Variants in GUK1 observed in about 807,000 individuals in gnomAD.
GUK1 encodes the protein guanylate kinase 1, also known as guanylate kinase.
In GUK1, 18 loss-of-function variants were observed where a neutral mutation model predicts 25.2. The observed-to-expected ratio is 0.71, with a 90% CI of 0.49 to 1.06. The LOEUF (loss-of-function observed/expected upper bound fraction) is 1.06, where lower values mean the gene tolerates loss of function less well. GUK1 is among the 50% of genes least tolerant of loss of function. The pLI, the probability that GUK1 is intolerant of heterozygous loss-of-function variation, is 0.00. For synonymous variants in GUK1, 105 were observed against 117.6 expected (o/e 0.89, Z 0.69); for missense variants, 261 against 276.7 (o/e 0.94, Z 0.40).
At chr1:228,148,545 A>G in intron 8 of GUK1, 89 bp downstream of exon 7, 2 of 1,365,942 alleles carry the variant, frequency 1.5e-6, no homozygotes, top group Non-Finnish European at 2.0e-6. Context: ...CTGAGGTTAG[A>G]TGGGACAGTC....
chr1:228,140,117 G>A (rs577786331), upstream of GUK1: 3 of 573,224 alleles, frequency 5.2e-6, no homozygotes, highest in South Asian at 2.1e-5. Flanking sequence ...CTGCGGTCGC[G>A]ACAGGCCAGC....
rs867088922 is a variant in GUK1 at position 228,146,989 on chromosome 1, G to A, written c.251+51G>A. ...GCTCCCAGGGTTGCTGTTGGCAACA[G>A]GGATCCAGGTAGTGCCTGCTGCCTG... is the stretch of plus-strand genomic sequence containing the variant. On this transcript the variant is annotated intron_variant, in intron 5 of 8. Transcript: ENST00000312726. 38 of 1,214,424 alleles carry A rather than the reference G, an allele frequency of 3.1e-5. 2 individuals carry two copies. The Middle Eastern group carries it at 5.5e-3, about 177-fold the overall frequency. The allele number at this position is 1,214,424 out of a possible 1,614,324, so 75.2% of individuals were successfully genotyped here.
rs1254198304 is a variant in GUK1 at position 228,140,351 on chromosome 1, GC to G, written c.-176del. The G allele has an allele frequency of 6.6e-7, 1 of 1,524,172 alleles. No individual in the cohort carries two copies. Among genetic ancestry groups the G allele is most frequent in the Non-Finnish European group, 8.7e-7 (1 of 1,143,866 alleles). The allele number at this position is 1,524,172 out of a possible 1,614,324, so 94.4% of individuals were successfully genotyped here. On this transcript the variant is annotated 5_prime_UTR_variant, in exon 1 of 9. Coordinates refer to ENST00000312726, the MANE Select transcript of GUK1 (RefSeq NM_000858.7). ...GCTGGCTGCGGCCGCCCTGGGCCGG[GC>G]CCCACCGGACGGTGAGTACGACAAG...
In GUK1 at chr1:228,147,370, CCCTGGCACCCCTGCTGA is replaced by C; in HGVS notation, c.252-26_252-10del. 2 of 1,593,206 alleles carry C rather than the reference CCCTGGCACCCCTGCTGA, an allele frequency of 1.3e-6. No individual in the cohort carries two copies. Among genetic ancestry groups the C allele is most frequent in the Non-Finnish European group, 1.7e-6 (2 of 1,170,486 alleles). On this transcript the variant is annotated intron_variant, in intron 5 of 8. Coordinates refer to ENST00000312726, the MANE Select transcript of GUK1 (RefSeq NM_000858.7). Reference sequence around the variant, plus strand: ...TGAAGCTCCTGTAGGCCTCAGAGAGCCCTGGCACCCCTGCTGACCTGGCACCTCTCCCCAGCAAGGTG... The same window carrying C: ...TGAAGCTCCTGTAGGCCTCAGAGAGCCCTGGCACCTCTCCCCAGCAAGGTG...
In GUK1 at chr1:228,147,070, G is replaced by A. The variant is rs547343926; in HGVS notation, c.251+132G>A. 99 of 715,242 alleles carry A rather than the reference G, an allele frequency of 1.4e-4. No homozygotes were observed. In the East Asian group the frequency reaches 1.5e-3, roughly 11 times the overall value. 44.3% of individuals were successfully genotyped at this position (715,242 alleles called of 1,614,324 possible). The stretch of plus-strand genomic sequence containing the variant: ...ATGAATGTGGCCAGGTTGTGGCCCA[G>A]GGCCAGGCTCCCACGTCTGTGGCCC... On this transcript the variant is annotated intron_variant, in intron 5 of 8. Coordinates refer to ENST00000312726, the MANE Select transcript of GUK1 (RefSeq NM_000858.7).
At chr1:228,141,637 G>A (rs765252003) in intron 2 of GUK1, 1 of 1,199,338 alleles carries the variant, frequency 8.3e-7, no homozygotes, top group Non-Finnish European at 1.1e-6. Context: ...CCTTAGGATG[G>A]CTGGAAGCCA....
chr1:228,144,816 C>A, intron 2 of GUK1: 1 of 670,802 alleles, frequency 1.5e-6, no homozygotes, highest in Non-Finnish European at 1.8e-6. Context: ...CCTCACCTGC[C>A]ACGTGTCCAA....
At position 228,145,497 on chromosome 1, in the gene GUK1, C is replaced by T. The variant is rs776309977; in HGVS notation, c.-2-14C>T. 6.2e-7 allele frequency: 1 copy of T among 1,601,260 alleles called. No homozygotes were observed. Among genetic ancestry groups the T allele is most frequent in the Admixed American group, 1.7e-5 (1 of 58,722 alleles). The stretch of plus-strand genomic sequence containing the variant: ...GGCCGCACTGCTATCCACAGCCTCT[C>T]TTCTCACCCCCAGGCATGTCGGGCC... On this transcript the variant is annotated splice_polypyrimidine_tract_variant and intron_variant, in intron 2 of 8. Coordinates refer to ENST00000312726, the MANE Select transcript of GUK1 (RefSeq NM_000858.7).
At chr1:228,140,268 C>CA (rs1354329561), upstream of GUK1, 35 of 1,521,124 alleles carry the variant, frequency 2.3e-5, no homozygotes, top group Non-Finnish European at 3.0e-5. Flanking sequence ...GCGGCGCTGT[C>CA]ACGTAGGTTC....
At position 228,147,514 on chromosome 1, in the gene GUK1, C is replaced by T; in HGVS notation, c.360C>T (p.Ile120=). The change falls in exon 6 of 9, where the codon ATC becomes ATT. Residue 120 remains isoleucine, a synonymous_variant. Transcript: ENST00000312726. Reference sequence around the variant, plus strand: ...CCACCGATCTGCGGCCCATCTACATCTCTGTGCAGCCGCCTTCACTGCACG... The same window carrying T: ...CCACCGATCTGCGGCCCATCTACATTTCTGTGCAGCCGCCTTCACTGCACG... The T allele has an allele frequency of 6.2e-7, 1 of 1,613,368 alleles. No individual in the cohort carries two copies. The highest frequency in any genetic ancestry group is 8.5e-7 in the Non-Finnish European group (1 of 1,179,968).
chr1:228,144,518 G>T (rs2034258886), intron 2 of GUK1: 3 of 153,854 alleles, frequency 1.9e-5, no homozygotes, highest in African/African-American at 7.2e-5. Flanking sequence ...GCAGGTGCAG[G>T]TCTTGGGGCA....
intron 2 of GUK1, chr1:228,141,517 TTACGAGA>T (rs2034046711): frequency 3.7e-6 from 2 of 545,084 alleles, no homozygotes; most frequent in Non-Finnish European, 5.0e-6. Context: ...GGTTTGTGTC[TTACGAGA>T]GGCCAGGCGG....
chr1:228,148,565 C>T (rs1466956057), intron 8 of GUK1, 100 bp from the exon 8 acceptor site: 2 of 1,371,516 alleles, frequency 1.5e-6, no homozygotes, highest in Admixed American at 1.8e-5. Context: ...CCTACCCAAG[C>T]ACTGGCATGA....
intron 7 of GUK1, 49 bp from the exon 7 acceptor site, chr1:228,148,322 G>A (rs2124956312): frequency 2.3e-6 from 3 of 1,317,226 alleles, no homozygotes; most frequent in Non-Finnish European, 3.3e-6. Context: ...GGGACCTGGG[G>A]TGGGGCTGCA....
chr1:228,147,018 G>A lies in GUK1; in HGVS notation c.251+80G>A, dbSNP rs533664554. 31 of 926,694 alleles carry A rather than the reference G, an allele frequency of 3.3e-5. No homozygotes were observed. In the East Asian group the frequency reaches 4.8e-4, roughly 14 times the overall value. 57.4% of individuals were successfully genotyped at this position (926,694 alleles called of 1,614,324 possible). A position where few individuals can be genotyped will look rare whatever the true frequency, so the allele number is the denominator to read the frequency against. On this transcript the variant is annotated intron_variant, in intron 5 of 8. Transcript: ENST00000312726. ...TCCAGGTAGTGCCTGCTGCCTGCCC[G>A]CCATCCACACCACCCACCCCATGGT...
In GUK1 at chr1:228,148,363, A is replaced by T; in HGVS notation, c.476-8A>T. On this transcript the variant is annotated splice_polypyrimidine_tract_variant and splice_region_variant and intron_variant, in intron 7 of 8. Transcript: ENST00000312726. ...TCACTGTGCCCTGACCCCAGGCCCC[A>T]CCCACAGGCAAGGAGCCCGGCCTGT... is the stretch of plus-strand genomic sequence containing the variant. 1.3e-6 allele frequency: 2 copies of T among 1,554,938 alleles called. No homozygotes were observed. The highest frequency in any genetic ancestry group is 1.7e-6 in the Non-Finnish European group (2 of 1,142,908).
intron 3 of GUK1, 165 bp downstream of exon 2, chr1:228,145,789 C>T: frequency 1.2e-6 from 1 of 813,824 alleles, no homozygotes; most frequent in Non-Finnish European, 2.0e-6. Flanking sequence ...TTATCACACT[C>T]CTGCTGTCCT....
chr1:228,141,649 AAGG>A (rs1178994311), intron 2 of GUK1: 8 of 1,213,092 alleles, frequency 6.6e-6, no homozygotes, highest in African/African-American at 6.5e-5. Context: ...TGGAAGCCAG[AAGG>A]AGGAGATTAT....
rs2034023607 is a variant in GUK1 at position 228,141,199 on chromosome 1, T to G, written c.-92T>G. The stretch of plus-strand genomic sequence containing the variant: ...TCGGCCGGTTTTTCTTTCTCCCTGA[T>G]GGACAGACCCAAACATAGCCGCGCA... On this transcript the variant is annotated 5_prime_UTR_variant, in exon 2 of 9. Coordinates refer to ENST00000312726, the MANE Select transcript of GUK1 (RefSeq NM_000858.7). The G allele has an allele frequency of 1.0e-6, 1 of 984,962 alleles. No individual in the cohort carries two copies. The highest frequency in any genetic ancestry group is 1.7e-5 in the African/African-American group (1 of 57,200). The allele number at this position is 984,962 out of a possible 1,614,324, so 61.0% of individuals were successfully genotyped here. A position where few individuals can be genotyped will look rare whatever the true frequency, so the allele number is the denominator to read the frequency against.
Sources: allele counts gnomAD v4.1 joint callset, GRCh38; gene constraint gnomAD v4.1.1; transcripts MANE v1.5; gene names NCBI Gene and HGNC (gene_info 2026-07-23, HGNC 2026-07-21).